NT5DC1: variants seen among roughly 807,000 people sequenced by gnomAD.
NT5DC1 encodes the protein 5'-nucleotidase domain containing 1.
In NT5DC1, 42 loss-of-function variants were observed where a neutral mutation model predicts 59.4. That is an observed-to-expected ratio of 0.71 (90% CI 0.55 to 0.92). The LOEUF is 0.92. Ranked by LOEUF, NT5DC1 falls within the 40% of genes least tolerant of loss-of-function variation. The pLI, the probability that NT5DC1 is intolerant of heterozygous loss-of-function variation, is 0.00. For synonymous variants in NT5DC1, 172 were observed against 188.1 expected (o/e 0.91, Z 0.70); for missense variants, 501 against 537.1 (o/e 0.93, Z 0.66).
At chr6:116,136,120 C>T (rs181935583) in intron 6 of NT5DC1, among the ~76,000 whole-genome samples, 1 of 152,094 alleles carries the variant, frequency 6.6e-6, no homozygotes, top group Admixed American at 6.6e-5. Flanking sequence ...TTGGCAGCCA[C>T]CATTCTACTC....
At chr6:116,110,809 G>A (rs778317552) in intron 3 of NT5DC1, 41 bp from the exon 4 acceptor site, 6 of 1,368,050 alleles carry the variant, frequency 4.4e-6, no homozygotes, top group Non-Finnish European at 6.3e-6. Context: ...GGGCATTCAA[G>A]GAACCATTAA....
Position 116,111,057 on chromosome 6 carries a change from G to A in NT5DC1, c.364+101G>A, listed in dbSNP as rs1242984156. 7 of 765,504 alleles carry A rather than the reference G, an allele frequency of 9.1e-6. No individual in the cohort carries two copies. The East Asian group carries it at 1.9e-4, about 20-fold the overall frequency. The allele number at this position is 765,504 out of a possible 1,614,324, so 47.4% of individuals were successfully genotyped here. ...AGAAGACCCCCCTTTCCCCTGCTGG[G>A]CAGGATGCCAAAGGGAGCAGCTTCA... On this transcript the variant is annotated intron_variant, in intron 4 of 11. Transcript: ENST00000319550.
intron 6 of NT5DC1, among the ~76,000 whole-genome samples, chr6:116,151,769 A>G (rs1179601558): frequency 6.6e-6 from 1 of 152,200 alleles, no homozygotes; most frequent in Non-Finnish European, 1.5e-5. Flanking sequence ...TTAGTCTACC[A>G]CAGCAAATAA....
At chr6:116,148,283 A>G (rs575838912) in intron 6 of NT5DC1, among the ~76,000 whole-genome samples, 1 of 152,278 alleles carries the variant, frequency 6.6e-6, no homozygotes, top group Admixed American at 6.5e-5. Context: ...ATGTTGTACC[A>G]AGCATTATCT....
intron 6 of NT5DC1, chr6:116,125,240 G>T: frequency 7.2e-7 from 1 of 1,391,492 alleles, no homozygotes; most frequent in Non-Finnish European, 9.9e-7. Context: ...AAGTTGGAAA[G>T]TAACACCAAA....
chr6:116,211,908 T>C (rs1562166763), intron 6 of NT5DC1, among the ~76,000 whole-genome samples: 1 of 151,960 alleles, frequency 6.6e-6, no homozygotes, highest in East Asian at 1.9e-4. Flanking sequence ...CACAACACAC[T>C]GATGAACAAA....
At chr6:116,116,124 G>A (rs11153597) in intron 5 of NT5DC1, among the ~76,000 whole-genome samples, 16,037 of 152,022 alleles carry the variant, frequency 0.11, 957 homozygotes, top group East Asian at 0.22. Context: ...AAAATTCAGC[G>A]TGTCTTTAAG....
chr6:116,160,950 A>C (rs890784536), intron 6 of NT5DC1, among the ~76,000 whole-genome samples: 2 of 152,082 alleles, frequency 1.3e-5, no homozygotes, highest in African/African-American at 4.8e-5. Flanking sequence ...CCAGATGTCC[A>C]ACAATGATAG....
In NT5DC1 at chr6:116,102,628, CAA is replaced by C. The variant is rs141109673; in HGVS notation, c.93+1606_93+1607del. ...TTTCAGAATATAAGATTCTCAAAGA[CAA>C]GAGGTTTTTTTACTGCAAACCTGGA... is the stretch of plus-strand genomic sequence containing the variant. On this transcript the variant is annotated intron_variant, in intron 1 of 11. Coordinates refer to ENST00000319550, the MANE Select transcript of NT5DC1 (RefSeq NM_152729.3). 1.7e-4 allele frequency among the ~76,000 whole-genome samples: 26 copies of C among 152,302 alleles called. No individual in the cohort carries two copies. In the East Asian group the frequency reaches 4.2e-3, roughly 25 times the overall value.
intron 6 of NT5DC1, among the ~76,000 whole-genome samples, chr6:116,164,926 AT>A (rs1780427207): frequency 6.6e-6 from 1 of 152,028 alleles, no homozygotes; most frequent in Admixed American, 6.6e-5. Flanking sequence ...TACTAAAAAA[AT>A]AAATAAATAA....
chr6:116,111,151 C>T (rs1265850071), intron 4 of NT5DC1, among the ~76,000 whole-genome samples, 195 bp downstream of exon 4: 1 of 152,236 alleles, frequency 6.6e-6, no homozygotes, highest in Non-Finnish European at 1.5e-5. Flanking sequence ...GTTCAAAATA[C>T]TGTTCACAGA....
At chr6:116,207,974 A>C (rs1205624736) in intron 6 of NT5DC1, among the ~76,000 whole-genome samples, 3 of 151,954 alleles carry the variant, frequency 2.0e-5, no homozygotes, top group Admixed American at 6.6e-5. Flanking sequence ...CTGTTAGGCT[A>C]CCTACTACAG....
At chr6:116,194,709 A>G (rs774255417) in intron 6 of NT5DC1, among the ~76,000 whole-genome samples, 4 of 152,206 alleles carry the variant, frequency 2.6e-5, no homozygotes, top group African/African-American at 9.6e-5. Flanking sequence ...AAGTATAATT[A>G]TATTATTTAG....
intron 6 of NT5DC1, among the ~76,000 whole-genome samples, chr6:116,118,591 G>A (rs1562120840): frequency 6.6e-6 from 1 of 151,994 alleles, no homozygotes; most frequent in Non-Finnish European, 1.5e-5. Flanking sequence ...CAAAAAAATT[G>A]CTTGCCTTTT....
Position 116,242,654 on chromosome 6 carries a change from G to C in NT5DC1, c.1253-1255G>C, listed in dbSNP as rs547688604. Among the ~76,000 whole-genome samples the C allele has an allele frequency of 7.9e-5, 12 of 152,198 alleles. 1 individual carries two copies. The South Asian group carries it at 2.3e-3, about 29-fold the overall frequency. The stretch of plus-strand genomic sequence containing the variant: ...TCACAAAGTCCCCTCTCCTCTCTCA[G>C]GTCAGAATTTAATCTTTCCATTTTC... On this transcript the variant is annotated intron_variant, in intron 11 of 11. Coordinates refer to ENST00000319550, the MANE Select transcript of NT5DC1 (RefSeq NM_152729.3).
chr6:116,216,404 T>A (rs962723975), intron 6 of NT5DC1, among the ~76,000 whole-genome samples: 71 of 147,394 alleles, frequency 4.8e-4, no homozygotes, highest in Non-Finnish European at 2.4e-4. Flanking sequence ...AAAAAAAAAA[T>A]ACCAATGTTG....
chr6:116,178,899 A>G (rs537808644), intron 6 of NT5DC1, among the ~76,000 whole-genome samples: 1 of 152,258 alleles, frequency 6.6e-6, no homozygotes, highest in East Asian at 1.9e-4. Flanking sequence ...CTTTTACTCG[A>G]TATGCATTTC....
intron 7 of NT5DC1, among the ~76,000 whole-genome samples, chr6:116,222,439 A>C (rs1166021335): frequency 2.6e-5 from 4 of 152,216 alleles, no homozygotes; most frequent in Non-Finnish European, 2.9e-5. Context: ...CTTCAGGAGA[A>C]GGGCTACCTT....
chr6:116,117,425 A>T (rs796218814), intron 5 of NT5DC1, among the ~76,000 whole-genome samples: 22 of 152,326 alleles, frequency 1.4e-4, no homozygotes, highest in African/African-American at 5.3e-4. Context: ...AGTAATACAG[A>T]TGCTCCCTAA....
Sources: gnomAD v4.1 joint callset for allele counts (sites outside exome capture counted in the v4.1 genomes callset) on GRCh38, gnomAD v4.1.1 for gene constraint, MANE v1.5 for transcripts, NCBI Gene and HGNC (gene_info 2026-07-23, HGNC 2026-07-21) for gene names.